The following KDELR3 variants were observed in gnomAD, a reference collection of about 807,000 sequenced individuals.
The protein encoded by KDELR3 is ER lumen protein-retaining receptor 3.
KDELR3 carries 26 observed loss-of-function variants against 22.7 expected under a neutral mutation model. The ratio of observed to expected loss-of-function variants is 1.15; its 90% CI spans 0.84 to 1.59. KDELR3 has a LOEUF of 1.59. KDELR3 is among the 40% of genes most tolerant of loss of function. The pLI is 0.00. For missense variants in KDELR3, 289 were observed against 251.1 expected, an observed-to-expected ratio of 1.15 and a Z score of -1.02; for synonymous variants, 120 against 98.2, an observed-to-expected ratio of 1.22 and a Z score of -1.31.
chr22:38,468,460 T>C, intron 1 of KDELR3, 136 bp downstream of exon 1: 2 of 651,360 alleles, frequency 3.1e-6, no homozygotes, highest in Non-Finnish European at 5.4e-6. Flanking sequence ...TTTGCGGAGC[T>C]CCACTTCCAA....
intron 1 of KDELR3, among the ~76,000 whole-genome samples, chr22:38,469,328 T>C (rs1362257224): frequency 1.3e-5 from 2 of 152,036 alleles, no homozygotes; most frequent in Non-Finnish European, 2.9e-5. Context: ...GAAAGGGCCT[T>C]TTCTGCCAGG....
chr22:38,482,366 CCTTTG>C (rs1416042515), intron 4 of KDELR3, 125 bp from the exon 5 acceptor site: 16 of 738,224 alleles, frequency 2.2e-5, no homozygotes, highest in East Asian at 8.1e-5. Context: ...ATGGACTCCC[CCTTTG>C]CTTTAACAAT....
At chr22:38,476,019 T>TC (rs2089555169) in intron 2 of KDELR3, among the ~76,000 whole-genome samples, 2 of 152,018 alleles carry the variant, frequency 1.3e-5, no homozygotes, top group East Asian at 3.9e-4. Context: ...TGCCTCAACT[T>TC]CCCGGGCTGA....
chr22:38,482,782 A>G lies in KDELR3; in HGVS notation c.*246A>G. On this transcript the variant is annotated 3_prime_UTR_variant, in exon 5 of 5. Transcript: ENST00000216014. ...CACAAAGATGGTGCCTCACTGCAACAAGAAACCTTAAGGTGTCTTACCGAC... is the reference window on the plus strand; with the variant it reads ...CACAAAGATGGTGCCTCACTGCAACGAGAAACCTTAAGGTGTCTTACCGAC... 1.9e-6 allele frequency: 1 copy of G among 521,584 alleles called. No homozygotes were observed. The highest frequency in any genetic ancestry group is 3.4e-6 in the Non-Finnish European group (1 of 295,582). The allele number at this position is 521,584 out of a possible 1,614,324, so 32.3% of individuals were successfully genotyped here. A position where few individuals can be genotyped will look rare whatever the true frequency, so the allele number is the denominator to read the frequency against.
At chr22:38,480,621 C>G (rs1046785136) in intron 3 of KDELR3, among the ~76,000 whole-genome samples, 6 of 151,816 alleles carry the variant, frequency 4.0e-5, no homozygotes, top group Non-Finnish European at 5.9e-5. Flanking sequence ...AGCGTGGTGG[C>G]AGGCGCCTGT....
chr22:38,482,355 G>A, intron 4 of KDELR3, 141 bp from the exon 5 acceptor site: 2 of 695,030 alleles, frequency 2.9e-6, no homozygotes, highest in South Asian at 1.7e-5. Context: ...GTCAACCGGA[G>A]ATGGACTCCC....
chr22:38,469,044 G>A (rs2089507081), intron 1 of KDELR3, among the ~76,000 whole-genome samples: 1 of 152,264 alleles, frequency 6.6e-6, no homozygotes, highest in Admixed American at 6.5e-5. Flanking sequence ...CTGGCACTGG[G>A]TGTGCAGAGG....
intron 2 of KDELR3, among the ~76,000 whole-genome samples, chr22:38,477,425 G>C (rs962989431): frequency 6.6e-6 from 1 of 150,964 alleles, no homozygotes; most frequent in Admixed American, 6.6e-5. Flanking sequence ...GGCTGGTCTC[G>C]AACTCCTGAC....
At chr22:38,477,704 T>G (rs1386841035) in intron 2 of KDELR3, among the ~76,000 whole-genome samples, 1 of 152,198 alleles carries the variant, frequency 6.6e-6, no homozygotes, top group Non-Finnish European at 1.5e-5. Flanking sequence ...TGCTGTTACT[T>G]GTGAGGTGTT....
At position 38,479,585 on chromosome 22, in the gene KDELR3, C is replaced by T; in HGVS notation, c.193-8C>T. ...AGATTCGATTCCCATGTCTCTCTCC[C>T]CTTTTAGGTGGTTTTTCTCCTCTGT... On this transcript the variant is annotated splice_polypyrimidine_tract_variant and splice_region_variant and intron_variant, in intron 2 of 4. Transcript: ENST00000216014. 6.2e-7 allele frequency: 1 copy of T among 1,610,680 alleles called. No homozygotes were observed. The highest frequency in any genetic ancestry group is 8.5e-7 in the Non-Finnish European group (1 of 1,176,978).
rs564373179 is a variant in KDELR3, at chr22:38,483,371, A to C, written c.*835A>C. 3.3e-5 allele frequency: 5 copies of C among 152,318 alleles called. No homozygotes were observed. Among genetic ancestry groups the C allele is most frequent in the African/African-American group, 1.2e-4 (5 of 41,564 alleles). 9.4% of individuals were successfully genotyped at this position (152,318 alleles called of 1,614,324 possible). A position where few individuals can be genotyped will look rare whatever the true frequency, so the allele number is the denominator to read the frequency against. On this transcript the variant is annotated 3_prime_UTR_variant, in exon 5 of 5. Transcript: ENST00000216014. ...TCCAATATCCCCCATCTTTGTCTTG[A>C]AACAAAAACTGTTTTAAGACGTCTA...
At chr22:38,475,865 C>A (rs933790921) in intron 2 of KDELR3, among the ~76,000 whole-genome samples, 2 of 152,160 alleles carry the variant, frequency 1.3e-5, no homozygotes, top group African/African-American at 4.8e-5. Flanking sequence ...CGCTCCTGAC[C>A]TCAAGTGGTC....
intron 4 of KDELR3, 114 bp from the exon 5 acceptor site, chr22:38,482,382 C>T (rs775780268): frequency 4.4e-5 from 38 of 858,428 alleles, no homozygotes; most frequent in Non-Finnish European, 6.0e-5. Flanking sequence ...CTTTAACAAT[C>T]GAACATATAC....
intron 2 of KDELR3, among the ~76,000 whole-genome samples, chr22:38,476,452 T>C (rs1218813050): frequency 6.6e-6 from 1 of 152,076 alleles, no homozygotes; most frequent in Non-Finnish European, 1.5e-5. Flanking sequence ...TCTCCTGACC[T>C]TGTTATCTGC....
intron 1 of KDELR3, among the ~76,000 whole-genome samples, chr22:38,472,802 C>T (rs1391122382): frequency 1.3e-5 from 2 of 152,062 alleles, no homozygotes; most frequent in African/African-American, 2.4e-5. Flanking sequence ...TGGGTTCAAG[C>T]GATTCTCCTG....
chr22:38,471,143 T>TCAAA (rs147180152), intron 1 of KDELR3, among the ~76,000 whole-genome samples: 3,643 of 152,080 alleles, frequency 0.024, 174 homozygotes, highest in African/African-American at 0.082. Flanking sequence ...GAACTCTGTC[T>TCAAA]CAAACAAACA....
In KDELR3 at chr22:38,482,546, G is replaced by GAGAC; in HGVS notation, c.*13_*16dup. 2.5e-6 allele frequency: 4 copies of GAGAC among 1,609,068 alleles called. No individual in the cohort carries two copies. Among genetic ancestry groups the GAGAC allele is most frequent in the Non-Finnish European group, 3.4e-6 (4 of 1,175,402 alleles). On this transcript the variant is annotated 3_prime_UTR_variant, in exon 5 of 5. Coordinates refer to ENST00000216014, the MANE Select transcript of KDELR3 (RefSeq NM_006855.4). The stretch of plus-strand genomic sequence containing the variant: ...TCCAATGCCAATCTGAGGACCTTCA[G>GAGAC]AGACAGTCTACGCCTTAACAAGCAC...
Position 38,481,344 on chromosome 22 carries a change from T to C in KDELR3, c.484T>C (p.Tyr162His). 4 of 1,614,212 alleles carry C rather than the reference T, an allele frequency of 2.5e-6. No individual in the cohort carries two copies. Among genetic ancestry groups the C allele is most frequent in the Admixed American group, 1.7e-5 (1 of 60,022 alleles). Residue 162 changes from tyrosine (Y) to histidine (H), a missense_variant, in exon 4 of 5, where the codon TAC becomes CAC. Tyr to His is a moderately conservative substitution (Grantham distance 83). Transcript: ENST00000216014. ...CTTTCTGGGTCTGTACCGGGCACTCTACCTGGCTAACTGGATCAGGCGGTA... is the reference window on the plus strand; with the variant it reads ...CTTTCTGGGTCTGTACCGGGCACTCCACCTGGCTAACTGGATCAGGCGGTA... ...LFFLGLYRAL[Y>H]LANWIRRYQT...
chr22:38,477,110 G>A (rs561932313), intron 2 of KDELR3, among the ~76,000 whole-genome samples: 23 of 140,936 alleles, frequency 1.6e-4, no homozygotes, highest in Non-Finnish European at 2.6e-4. Context: ...TAATAAAGAC[G>A]GGGTTTCACC....
Sources: allele counts gnomAD v4.1 joint callset (sites outside exome capture counted in the v4.1 genomes callset), GRCh38; gene constraint gnomAD v4.1.1; transcripts MANE v1.5; gene names NCBI Gene and HGNC (gene_info 2026-07-23, HGNC 2026-07-21).